MARK1: variants seen among roughly 807,000 people sequenced by gnomAD.
MARK1 encodes serine/threonine-protein kinase MARK1.
A neutral mutation model predicts 96.3 loss-of-function variants in MARK1; 40 were observed. The observed-to-expected ratio is 0.42, with a 90% CI of 0.32 to 0.54. The LOEUF (loss-of-function observed/expected upper bound fraction) is 0.54. Ranked by LOEUF, MARK1 falls within the 20% of genes least tolerant of loss-of-function variation. The probability of loss-of-function intolerance (pLI) is 0.16; values close to 1 mark genes in which losing one functional copy is unlikely to be tolerated. For synonymous variants in MARK1, 317 were observed against 341.2 expected, an observed-to-expected ratio of 0.93 and a Z score of 0.78; for missense variants, 719 against 984.6, an observed-to-expected ratio of 0.73 and a Z score of 3.61.
chr1:220,541,817 G>A (rs550287269), intron 1 of MARK1, among the ~76,000 whole-genome samples: 141 of 152,274 alleles, frequency 9.3e-4, no homozygotes, highest in African/African-American at 3.1e-3. Context: ...ATAGTTGGAT[G>A]TTATATTTTT....
intron 1 of MARK1, among the ~76,000 whole-genome samples, chr1:220,556,103 A>T (rs1662224367): frequency 6.6e-6 from 1 of 152,194 alleles, no homozygotes; most frequent in Non-Finnish European, 1.5e-5. Context: ...ATGTAGCTCT[A>T]ACACTGTCTT....
At chr1:220,650,275 T>A (rs911997136) in intron 13 of MARK1, among the ~76,000 whole-genome samples, 4 of 152,158 alleles carry the variant, frequency 2.6e-5, no homozygotes, top group African/African-American at 4.8e-5. Context: ...TGGAGTTGGC[T>A]TGCACTCCTT....
chr1:220,634,529 G>A (rs1667842693), intron 11 of MARK1, among the ~76,000 whole-genome samples: 1 of 152,186 alleles, frequency 6.6e-6, no homozygotes, highest in South Asian at 2.1e-4. Flanking sequence ...AAATGAATGA[G>A]TACTTATAAA....
At chr1:220,566,239 A>G (rs1313351923) in intron 1 of MARK1, among the ~76,000 whole-genome samples, 1 of 152,204 alleles carries the variant, frequency 6.6e-6, no homozygotes, top group Non-Finnish European at 1.5e-5. Context: ...TTCAGGGATT[A>G]CAAGTAGTTG....
intron 3 of MARK1, among the ~76,000 whole-genome samples, chr1:220,582,352 T>G (rs1664297259): frequency 6.6e-6 from 1 of 152,204 alleles, no homozygotes; most frequent in African/African-American, 2.4e-5. Context: ...TTGCTAACCA[T>G]GATGCCTTTG....
In MARK1 at chr1:220,618,268, T is replaced by C. The variant is rs762731698; in HGVS notation, c.553-42T>C. 3.0e-5 allele frequency: 37 copies of C among 1,220,544 alleles called. No homozygotes were observed. The Admixed American group carries it at 5.7e-4, about 19-fold the overall frequency. The allele number at this position is 1,220,544 out of a possible 1,614,324, so 75.6% of individuals were successfully genotyped here. A position where few individuals can be genotyped will look rare whatever the true frequency, so the allele number is the denominator to read the frequency against. On this transcript the variant is annotated intron_variant, in intron 7 of 17. Coordinates refer to ENST00000366917, the MANE Select transcript of MARK1 (RefSeq NM_018650.5). The surrounding 1 kb of genome is among the most constrained non-coding windows in gnomAD (Gnocchi z 4.6). Reference sequence around the variant, plus strand: ...CTCTTTTACAAATATTTTTATTTTATGTAGGCTTTTTACATTGTTCTTTCT... The same window carrying C: ...CTCTTTTACAAATATTTTTATTTTACGTAGGCTTTTTACATTGTTCTTTCT...
intron 9 of MARK1, among the ~76,000 whole-genome samples, 170 bp from the exon 10 acceptor site, chr1:220,630,862 AGTT>A (rs577648098): frequency 2.2e-3 from 336 of 152,284 alleles, no homozygotes; most frequent in Middle Eastern, 0.017. Flanking sequence ...AGATAGTCAT[AGTT>A]GTTGTGTGTG....
rs748781508 is a variant in MARK1 at position 220,653,180 on chromosome 1, C to T, written c.1816C>T (p.Arg606Ter). The change falls in exon 16 of 18, where the codon CGA becomes TGA. Residue 606 changes from arginine to a stop codon, truncating the protein, a stop_gained. Coordinates refer to ENST00000366917, the MANE Select transcript of MARK1 (RefSeq NM_018650.5). LOFTEE classifies it high-confidence loss of function. ...GACTCCAGACCGGACCCGTTTTCCC[C>T]GAGGGAGCTCAAGCCGAAGCACTTT... ...TATPDRTRFP[R>*]GSSSRSTFHG... The T allele has an allele frequency of 6.2e-7, 1 of 1,614,082 alleles. No individual in the cohort carries two copies. The highest frequency in any genetic ancestry group is 8.5e-7 in the Non-Finnish European group (1 of 1,180,046).
intron 13 of MARK1, among the ~76,000 whole-genome samples, chr1:220,646,196 GCAACTA>G (rs1275144028): frequency 6.6e-6 from 1 of 152,102 alleles, no homozygotes; most frequent in East Asian, 1.9e-4. Context: ...AAGCTGATAA[GCAACTA>G]TATCAAAGTC....
chr1:220,662,275 A>G lies in MARK1; in HGVS notation c.*109A>G. 2.5e-6 allele frequency: 2 copies of G among 792,544 alleles called. No individual in the cohort carries two copies. The highest frequency in any genetic ancestry group is 3.6e-5 in the South Asian group (2 of 55,414). The allele number at this position is 792,544 out of a possible 1,614,324, so 49.1% of individuals were successfully genotyped here. On this transcript the variant is annotated 3_prime_UTR_variant, in exon 18 of 18. Coordinates refer to ENST00000366917, the MANE Select transcript of MARK1 (RefSeq NM_018650.5). Reference sequence around the variant, plus strand: ...TCTGCCTGTGAATCTCCCCATGTAGAATTTGCCCTTAATGCAATAAGGTTA... The same window carrying G: ...TCTGCCTGTGAATCTCCCCATGTAGGATTTGCCCTTAATGCAATAAGGTTA...
At chr1:220,556,503 A>AAAAAAAC (rs1558256430) in intron 1 of MARK1, among the ~76,000 whole-genome samples, 2 of 142,546 alleles carry the variant, frequency 1.4e-5, no homozygotes, top group Non-Finnish European at 3.1e-5. Context: ...AAAAAAAAAA[A>AAAAAAAC]AAACAAATTA....
chr1:220,548,645 A>G (rs1258145853), intron 1 of MARK1, among the ~76,000 whole-genome samples: 1 of 152,166 alleles, frequency 6.6e-6, no homozygotes, highest in African/African-American at 2.4e-5. Flanking sequence ...AGGCTGAGGC[A>G]GGAGAATTGC....
chr1:220,607,958 G>A (rs1475073548), intron 6 of MARK1, among the ~76,000 whole-genome samples: 2 of 152,178 alleles, frequency 1.3e-5, no homozygotes, highest in Non-Finnish European at 2.9e-5. Flanking sequence ...TGGTTTGCCA[G>A]TATTTTATTG....
chr1:220,583,308 A>G (rs931508842), intron 3 of MARK1, among the ~76,000 whole-genome samples: 4 of 152,150 alleles, frequency 2.6e-5, no homozygotes, highest in Admixed American at 1.3e-4. Flanking sequence ...TGTATCAGAT[A>G]TTTATAGGAA....
chr1:220,625,272 G>A (rs1667262904), intron 9 of MARK1, among the ~76,000 whole-genome samples: 1 of 152,182 alleles, frequency 6.6e-6, no homozygotes. Context: ...AGAGTTCCAT[G>A]GGAGCACAGG....
intron 7 of MARK1, among the ~76,000 whole-genome samples, chr1:220,616,487 T>C (rs1014118670): frequency 3.9e-5 from 6 of 152,228 alleles, no homozygotes; most frequent in Non-Finnish European, 8.8e-5. Flanking sequence ...TTGTGCCACA[T>C]AGATTTTGTT....
intron 17 of MARK1, among the ~76,000 whole-genome samples, chr1:220,660,028 C>T (rs1045265493): frequency 5.3e-5 from 8 of 152,190 alleles, no homozygotes; most frequent in African/African-American, 1.9e-4. Context: ...GCTCATGGTC[C>T]TGCCACCTTG....
intron 1 of MARK1, among the ~76,000 whole-genome samples, chr1:220,558,735 AGAT>A (rs1662464486): frequency 6.6e-6 from 1 of 152,152 alleles, no homozygotes; most frequent in African/African-American, 2.4e-5. Context: ...ATGGGCAAAT[AGAT>A]GATTTTTAAG....
At position 220,618,689 on chromosome 1, in the gene MARK1, C is replaced by T. The variant is rs975980605; in HGVS notation, c.843C>T (p.Ser281=). ...AGTACCGTATTCCCTTCTATATGTC[C>T]ACAGACTGTGAAAATCTTCTGAAGA... is the stretch of plus-strand genomic sequence containing the variant. ...RGKYRIPFYM[S]TDCENLLKKL... is the part of the protein sequence containing the mutation. Residue 281 remains serine, a synonymous_variant, in exon 9 of 18, where the codon TCC becomes TCT. Transcript: ENST00000366917. The surrounding 1 kb of genome is among the most constrained non-coding windows in gnomAD (Gnocchi z 4.6). 1.9e-6 allele frequency: 3 copies of T among 1,612,760 alleles called. No individual in the cohort carries two copies. The highest frequency in any genetic ancestry group is 1.7e-6 in the Non-Finnish European group (2 of 1,179,280).
Sources: gnomAD v4.1 joint callset for allele counts (sites outside exome capture counted in the v4.1 genomes callset) on GRCh38, gnomAD v4.1.1 for gene constraint, Gnocchi (gnomAD v3.1) non-coding constraint, MANE v1.5 for transcripts, NCBI Gene and HGNC (gene_info 2026-07-23, HGNC 2026-07-21) for gene names.